The following HIVEP2 variants were observed in gnomAD, a reference collection of about 807,000 sequenced individuals.
HIVEP2 encodes the protein transcription factor HIVEP2.
Under a neutral mutation model 180.7 loss-of-function variants are expected in HIVEP2, and 14 were observed. The observed-to-expected ratio is 0.08, with a 90% CI of 0.05 to 0.12. HIVEP2 has a LOEUF of 0.12. Ranked by LOEUF, HIVEP2 falls within the 10% of genes least tolerant of loss-of-function variation. The pLI is 1.00. For missense variants in HIVEP2, 2,579 were observed against 3,008.5 expected, an observed-to-expected ratio of 0.86 and a Z score of 3.34; for synonymous variants, 1,184 against 1,136.4, an observed-to-expected ratio of 1.04 and a Z score of -0.84.
At chr6:142,811,334 G>A (rs1776692893) in intron 2 of HIVEP2, among the ~76,000 whole-genome samples, 1 of 152,182 alleles carries the variant, frequency 6.6e-6, no homozygotes, top group African/African-American at 2.4e-5. Context: ...CACTGCAGAT[G>A]CAGAGGGATT....
At chr6:142,904,794 T>C (rs1777222007) in intron 1 of HIVEP2, among the ~76,000 whole-genome samples, 1 of 152,180 alleles carries the variant, frequency 6.6e-6, no homozygotes, top group African/African-American at 2.4e-5. Flanking sequence ...ATCCATTTGT[T>C]TTCATTTATC....
intron 6 of HIVEP2, 51 bp from the exon 7 acceptor site, chr6:142,765,025 T>C (rs1775346617): frequency 6.7e-7 from 1 of 1,490,150 alleles, no homozygotes; most frequent in Non-Finnish European, 9.1e-7. Context: ...CTTAGCATGC[T>C]ATATATTAAA....
chr6:142,921,187 A>G (rs1027927311), intron 1 of HIVEP2, among the ~76,000 whole-genome samples: 1 of 152,196 alleles, frequency 6.6e-6, no homozygotes, highest in Admixed American at 6.5e-5. Context: ...TGCCCTTCCA[A>G]TGTTTTCATC....
chr6:142,827,010 C>T (rs766002274), intron 2 of HIVEP2, among the ~76,000 whole-genome samples: 2 of 152,126 alleles, frequency 1.3e-5, no homozygotes, highest in Non-Finnish European at 2.9e-5. Flanking sequence ...AACACGCTCA[C>T]TCTCCATACT....
chr6:142,770,885 G>A lies in HIVEP2; in HGVS notation c.3854C>T (p.Ala1285Val). 1.2e-6 allele frequency: 2 copies of A among 1,614,210 alleles called. No individual in the cohort carries two copies. The highest frequency in any genetic ancestry group is 1.7e-6 in the Non-Finnish European group (2 of 1,180,038). Residue 1285 changes from alanine to valine, a missense_variant, in exon 5 of 10, where the codon GCA (alanine) becomes GTA (valine). Transcript: ENST00000367603. This position sits in a 1 kb window ranked among gnomAD's most constrained non-coding sequence, Gnocchi z 4.7. ...KEQTYPCYSG[A>V]SGLHPKNLLP... ...AAGGTTCTTTGGGTGTAGCCCTGAT[G>A]CTCCTGAATAACATGGGTAGGTCTG...
intron 2 of HIVEP2, among the ~76,000 whole-genome samples, chr6:142,800,440 T>C (rs525928): frequency 0.58 from 87,861 of 151,954 alleles, 26,823 homozygotes; most frequent in Non-Finnish European, 0.68. Context: ...GCTAATCATC[T>C]TAAGTTTCTA....
chr6:142,806,318 G>C (rs1183394362), intron 2 of HIVEP2, among the ~76,000 whole-genome samples: 1 of 152,088 alleles, frequency 6.6e-6, no homozygotes, highest in Non-Finnish European at 1.5e-5. Flanking sequence ...CAATAAACAG[G>C]CTGCATAAAA....
chr6:142,918,554 A>AT (rs1201326947), intron 1 of HIVEP2, among the ~76,000 whole-genome samples: 1 of 152,166 alleles, frequency 6.6e-6, no homozygotes, highest in African/African-American at 2.4e-5. Flanking sequence ...CTGTTTCAGA[A>AT]TTGTCTCCCC....
intron 8 of HIVEP2, among the ~76,000 whole-genome samples, chr6:142,761,044 A>T (rs197461): frequency 0.59 from 89,996 of 151,972 alleles, 27,050 homozygotes; most frequent in African/African-American, 0.69. Flanking sequence ...AAGTGATGTA[A>T]CTCAGGAGGT....
In HIVEP2 at chr6:142,771,082, T is replaced by C. The variant is rs957594569; in HGVS notation, c.3657A>G (p.Pro1219=). 3.7e-6 allele frequency: 6 copies of C among 1,614,040 alleles called. No homozygotes were observed. Among genetic ancestry groups the C allele is most frequent in the Middle Eastern group, 1.6e-4 (1 of 6,084 alleles). Residue 1219 remains proline, a synonymous_variant, in exon 5 of 10, where the codon CCA becomes CCG. Transcript: ENST00000367603. The surrounding 1 kb of genome is among the most constrained non-coding windows in gnomAD (Gnocchi z 5.4). ...QYPTVCMVHL[P]AQQPPWWQAH... ...CCTGCCACCAGGGAGGCTGCTGAGCTGGTAAATGAACCATACAAACTGTAG... is the reference window on the plus strand; with the variant it reads ...CCTGCCACCAGGGAGGCTGCTGAGCCGGTAAATGAACCATACAAACTGTAG...
chr6:142,930,248 T>G (rs1252123343), intron 1 of HIVEP2, among the ~76,000 whole-genome samples: 1 of 152,150 alleles, frequency 6.6e-6, no homozygotes, highest in Non-Finnish European at 1.5e-5. Context: ...TATATAGGAA[T>G]GAAGAGAGAA....
intron 1 of HIVEP2, among the ~76,000 whole-genome samples, chr6:142,896,707 AC>A (rs1450915951): frequency 6.6e-6 from 1 of 152,222 alleles, no homozygotes; most frequent in African/African-American, 2.4e-5. Context: ...CACAGTTTCT[AC>A]CCATAAACTT....
chr6:142,818,732 GA>G (rs1203761266), intron 2 of HIVEP2, among the ~76,000 whole-genome samples: 3,994 of 39,692 alleles, frequency 0.1, 145 homozygotes, highest in Middle Eastern at 0.14. Flanking sequence ...AAGAAAGAAA[GA>G]AAAGAAAGAA....
intron 1 of HIVEP2, among the ~76,000 whole-genome samples, chr6:142,940,588 C>A (rs1287020469): frequency 1.3e-5 from 2 of 152,174 alleles, no homozygotes; most frequent in Non-Finnish European, 2.9e-5. Context: ...CCTTCAAGGC[C>A]CTGCATTACC....
At chr6:142,801,208 A>C (rs1033603432) in intron 2 of HIVEP2, among the ~76,000 whole-genome samples, 3 of 151,568 alleles carry the variant, frequency 2.0e-5, no homozygotes, top group Admixed American at 6.6e-5. Flanking sequence ...AAAAAAAAAA[A>C]AAACGAGGGA....
At chr6:142,906,614 A>G (rs992800707) in intron 1 of HIVEP2, among the ~76,000 whole-genome samples, 5 of 152,084 alleles carry the variant, frequency 3.3e-5, no homozygotes, top group Non-Finnish European at 7.4e-5. Flanking sequence ...ACAACCCCAA[A>G]AGAAAAAAAA....
At position 142,753,586 on chromosome 6, in the gene HIVEP2, G is replaced by A. The variant is rs1346147763; in HGVS notation, c.6862C>T (p.His2288Tyr). 1.2e-6 allele frequency: 2 copies of A among 1,614,072 alleles called. No individual in the cohort carries two copies. Among genetic ancestry groups the A allele is most frequent in the Admixed American group, 1.7e-5 (1 of 60,012 alleles). Residue 2288 changes from histidine to tyrosine, a missense_variant, in exon 10 of 10, where the codon CAC (histidine) becomes TAC (tyrosine). Physicochemically the swap from His to Tyr is moderately conservative, Grantham distance 83 (BLOSUM62 2). Around this residue, in one of 11 missense-constraint regions of HIVEP2, gnomAD observed 660 missense variants for 731.7 expected, o/e 0.90. Transcript: ENST00000367603. ...LSKQHEKRGP[H>Y]ALQSSGPPST... ...GGTGGACCAGATGACTGCAAAGCGT[G>A]AGGACCTCGCTTCTCATGCTGCTTA...
At chr6:142,871,678 A>T (rs1373148945) in intron 1 of HIVEP2, among the ~76,000 whole-genome samples, 1 of 151,870 alleles carries the variant, frequency 6.6e-6, no homozygotes, top group Non-Finnish European at 1.5e-5. Context: ...TTAATACCCT[A>T]TTTGGCCCCC....
At chr6:142,852,246 T>A (rs991052239) in intron 1 of HIVEP2, among the ~76,000 whole-genome samples, 3 of 152,198 alleles carry the variant, frequency 2.0e-5, no homozygotes, top group Non-Finnish European at 2.9e-5. Flanking sequence ...TGTTTTAACT[T>A]TATTATTGGG....
Sources: allele counts gnomAD v4.1 joint callset (sites outside exome capture counted in the v4.1 genomes callset), GRCh38; gene constraint gnomAD v4.1.1; regional missense constraint gnomAD v4.1.1; non-coding constraint Gnocchi (gnomAD v3.1); transcripts MANE v1.5; gene names NCBI Gene and HGNC (gene_info 2026-07-23, HGNC 2026-07-21).